The following CIT variants were observed in gnomAD, a reference collection of about 807,000 sequenced individuals.
CIT encodes citron rho-interacting serine/threonine kinase, also known as citron Rho-interacting kinase.
Under a neutral mutation model 272.7 loss-of-function variants are expected in CIT, and 79 were observed. That is an observed-to-expected ratio of 0.29 (90% CI 0.24 to 0.35). The LOEUF is 0.35. CIT is among the 10% of genes least tolerant of loss of function. The pLI, the probability that CIT is intolerant of heterozygous loss-of-function variation, is 1.00. For synonymous variants in CIT, 948 were observed against 995.6 expected (o/e 0.95, Z 0.90); for missense variants, 1,909 against 2,618.3 (o/e 0.73, Z 5.91).
chr12:119,801,614 C>T (rs977579952), intron 10 of CIT, among the ~76,000 whole-genome samples: 16 of 152,318 alleles, frequency 1.1e-4, no homozygotes, highest in East Asian at 7.7e-4. Context: ...TCCAGTACGA[C>T]GTGTGACCTT....
In CIT at chr12:119,850,090, G is replaced by A. The variant is rs1970104695; in HGVS notation, c.516+84C>T. ...TCTTTGCATGAATGAGACCACATGG[G>A]CAAGAACAACATTCAGTTCTACCAC... On this transcript the variant is annotated intron_variant, in intron 5 of 47. Coordinates refer to ENST00000392521, the MANE Select transcript of CIT (RefSeq NM_001206999.2). The A allele has an allele frequency of 3.4e-6, 3 of 889,454 alleles. No individual in the cohort carries two copies. In the African/African-American group the frequency reaches 5.0e-5, roughly 15 times the overall value. 55.1% of individuals were successfully genotyped at this position (889,454 alleles called of 1,614,324 possible).
chr12:119,761,149 G>A (rs1207297682), intron 19 of CIT, 94 bp from the exon 20 acceptor site: 6 of 980,832 alleles, frequency 6.1e-6, no homozygotes, highest in Non-Finnish European at 9.8e-6. Flanking sequence ...GGAAAGAGGA[G>A]AAAAGCAGGG....
chr12:119,709,815 T>A (rs1352630118), intron 39 of CIT, among the ~76,000 whole-genome samples: 3,522 of 149,774 alleles, frequency 0.024, 164 homozygotes, highest in African/African-American at 0.077. Flanking sequence ...TGTGTGTGTG[T>A]GTGTGTGTGT....
rs1336977165 is a variant in CIT, at chr12:119,712,866, AG to A, written c.4580-172del. On this transcript the variant is annotated intron_variant, in intron 35 of 47. Transcript: ENST00000392521. This position sits in a 1 kb window ranked among gnomAD's most constrained non-coding sequence, Gnocchi z 5.2. ...GGTGTGCAGAGAAGGCAGAGAGGGA[AG>A]ATAAAAAAAAATAAAGTGTGTCAGA... Among the ~76,000 whole-genome samples, 1 of 152,038 alleles carries A rather than the reference AG, an allele frequency of 6.6e-6. No homozygotes were observed. The highest frequency in any genetic ancestry group is 1.5e-5 in the Non-Finnish European group (1 of 67,986).
chr12:119,850,325 A>G, intron 4 of CIT, 50 bp from the exon 5 acceptor site: 1 of 1,220,470 alleles, frequency 8.2e-7, no homozygotes, highest in Non-Finnish European at 1.2e-6. Context: ...TGTGAGAGGA[A>G]AAAGAAGCCT....
chr12:119,844,195 T>C (rs1304122513), intron 5 of CIT, among the ~76,000 whole-genome samples: 1 of 151,996 alleles, frequency 6.6e-6, no homozygotes, highest in Non-Finnish European at 1.5e-5. Flanking sequence ...CTAATTTTTG[T>C]ATTCTTAGTA....
chr12:119,723,397 TAA>T (rs869077083), intron 28 of CIT, among the ~76,000 whole-genome samples: 72 of 40,844 alleles, frequency 1.8e-3, no homozygotes, highest in African/African-American at 4.1e-3. Flanking sequence ...CCCTATACAT[TAA>T]AAAAAAAAAA....
chr12:119,819,007 C>T (rs1456111119), intron 9 of CIT, among the ~76,000 whole-genome samples: 1 of 152,158 alleles, frequency 6.6e-6, no homozygotes, highest in East Asian at 1.9e-4. Flanking sequence ...CTCTGATTGG[C>T]TTCAGCTTTC....
At chr12:119,773,360 T>C in intron 16 of CIT, among the ~76,000 whole-genome samples, 1 of 152,236 alleles carries the variant, frequency 6.6e-6, no homozygotes, top group East Asian at 1.9e-4. Context: ...AATTATCTCA[T>C]TTGTTAATTT....
Position 119,712,458 on chromosome 12 carries a change from C to T in CIT, c.4685-111G>A. ...CACCAAACCACGCAAATCCCAGTTA[C>T]CGCCAAGGCGGGGAGCGGAGGAAGA... is the stretch of plus-strand genomic sequence containing the variant. On this transcript the variant is annotated intron_variant, in intron 36 of 47. Coordinates refer to ENST00000392521, the MANE Select transcript of CIT (RefSeq NM_001206999.2). The surrounding 1 kb of genome is among the most constrained non-coding windows in gnomAD (Gnocchi z 5.2). The T allele has an allele frequency of 7.1e-7, 1 of 1,418,274 alleles. No individual in the cohort carries two copies. Among genetic ancestry groups the T allele is most frequent in the Non-Finnish European group, 9.7e-7 (1 of 1,028,376 alleles). 87.9% of individuals were successfully genotyped at this position (1,418,274 alleles called of 1,614,324 possible).
chr12:119,806,095 C>A (rs1417271923), intron 9 of CIT, among the ~76,000 whole-genome samples: 1 of 137,908 alleles, frequency 7.3e-6, no homozygotes, highest in South Asian at 2.3e-4. Flanking sequence ...CAAGATCGTG[C>A]CACTGCACTC....
rs1956104864 is a variant in CIT at position 119,694,194 on chromosome 12, C to T, written c.5882+3465G>A. On this transcript the variant is annotated intron_variant, in intron 46 of 47. Transcript: ENST00000392521. The surrounding 1 kb of genome is among the most constrained non-coding windows in gnomAD (Gnocchi z 4.5). ...TCAGGGCAGAAAACTCCACACTGTCCATCAGATTTACAAATCCACATCAGC... is the reference window on the plus strand; with the variant it reads ...TCAGGGCAGAAAACTCCACACTGTCTATCAGATTTACAAATCCACATCAGC... 6.6e-6 allele frequency among the ~76,000 whole-genome samples: 1 copy of T among 152,148 alleles called. No homozygotes were observed. The highest frequency in any genetic ancestry group is 1.5e-5 in the Non-Finnish European group (1 of 68,036).
chr12:119,874,122 G>A (rs992956556), intron 2 of CIT, among the ~76,000 whole-genome samples: 1 of 152,154 alleles, frequency 6.6e-6, no homozygotes, highest in Non-Finnish European at 1.5e-5. Flanking sequence ...AGGCTGGAGT[G>A]CAGTGCACCA....
chr12:119,772,857 T>G lies in CIT; in HGVS notation c.1995A>C (p.Ala665=), dbSNP rs1205902487. ...ATELLQNIRQ[A]KERAERELEK... ...CCAGCTCCCTCTCGGCTCGCTCCTT[T>G]GCCTGGCGGATATTCTGCAGCAGCT... Residue 665 remains alanine (A), a synonymous_variant, in exon 17 of 48, where the codon GCA becomes GCC. Coordinates refer to ENST00000392521, the MANE Select transcript of CIT (RefSeq NM_001206999.2). 2 of 1,614,134 alleles carry G rather than the reference T, an allele frequency of 1.2e-6. No individual in the cohort carries two copies. The highest frequency in any genetic ancestry group is 4.5e-5 in the East Asian group (2 of 44,864).
In CIT at chr12:119,785,043, A is replaced by C; in HGVS notation, c.1318T>G (p.Ser440Ala). The change falls in exon 11 of 48, where the codon TCC becomes GCC. Residue 440 changes from serine to alanine, a missense_variant. Around this residue, in one of 8 missense-constraint regions of CIT, gnomAD observed 529 missense variants for 549.6 expected, o/e 0.96. Coordinates refer to ENST00000392521, the MANE Select transcript of CIT (RefSeq NM_001206999.2). ...RSESVVSGLD[S>A]PAKTSSMEKK... is the part of the protein sequence containing the mutation. ...TCCATGGAGCTAGTCTTGGCAGGGG[A>C]GTCCAGACCCGACACAACAGACCTA... 6.2e-7 allele frequency: 1 copy of C among 1,614,180 alleles called. No homozygotes were observed. The highest frequency in any genetic ancestry group is 8.5e-7 in the Non-Finnish European group (1 of 1,180,020).
intron 23 of CIT, among the ~76,000 whole-genome samples, chr12:119,750,073 T>C (rs1037005854): frequency 6.6e-6 from 1 of 152,218 alleles, no homozygotes; most frequent in Non-Finnish European, 1.5e-5. Flanking sequence ...AGACACAGCA[T>C]TGGGCCCATA....
chr12:119,843,664 G>C (rs1037780746), intron 5 of CIT, among the ~76,000 whole-genome samples: 4 of 152,046 alleles, frequency 2.6e-5, no homozygotes, highest in Non-Finnish European at 5.9e-5. Flanking sequence ...ACAAAAATTA[G>C]CTGGGCATGG....
intron 5 of CIT, among the ~76,000 whole-genome samples, chr12:119,837,596 C>G (rs1223934302): frequency 2.0e-5 from 3 of 152,216 alleles, no homozygotes; most frequent in African/African-American, 7.2e-5. Flanking sequence ...CCATTCACAG[C>G]ATCTGGTTTT....
intron 32 of CIT, among the ~76,000 whole-genome samples, chr12:119,716,419 A>T (rs375303483): frequency 4.6e-4 from 62 of 135,446 alleles, no homozygotes; most frequent in Middle Eastern, 4.2e-3. Flanking sequence ...AAAAAAGTAA[A>T]GCTCTTTGAT....
Sources: allele counts gnomAD v4.1 joint callset (sites outside exome capture counted in the v4.1 genomes callset), GRCh38; gene constraint gnomAD v4.1.1; regional missense constraint gnomAD v4.1.1; non-coding constraint Gnocchi (gnomAD v3.1); transcripts MANE v1.5; gene names NCBI Gene and HGNC (gene_info 2026-07-23, HGNC 2026-07-21).